The following PGLYRP2 variants were observed in gnomAD, a reference collection of about 807,000 sequenced individuals.
The protein encoded by PGLYRP2 is N-acetylmuramoyl-L-alanine amidase.
In PGLYRP2, 38 loss-of-function variants were observed where a neutral mutation model predicts 46.2. The observed-to-expected ratio is 0.82, with a 90% CI of 0.64 to 1.08. The LOEUF (loss-of-function observed/expected upper bound fraction) is 1.08, where lower values mean the gene tolerates loss of function less well. Ranked by LOEUF, PGLYRP2 falls within the 50% of genes least tolerant of loss-of-function variation. The pLI, the probability that PGLYRP2 is intolerant of heterozygous loss-of-function variation, is 0.00. For missense variants in PGLYRP2, 713 were observed against 755.9 expected (o/e 0.94, Z 0.67); for synonymous variants, 289 against 329.4 (o/e 0.88, Z 1.33).
chr19:15,470,293 C>T (rs112942401), intron 3 of PGLYRP2, among the ~76,000 whole-genome samples: 11,228 of 100,950 alleles, frequency 0.11, 628 homozygotes, highest in African/African-American at 0.13. Context: ...TCCTTCCTTC[C>T]TTCTTTCTTT....
intron 2 of PGLYRP2, among the ~76,000 whole-genome samples, chr19:15,475,149 T>C: frequency 6.6e-6 from 1 of 151,922 alleles, no homozygotes. Context: ...GAAAGATAGA[T>C]AGTGGAGATT....
At position 15,476,062 on chromosome 19, in the gene PGLYRP2, A is replaced by C. The variant is rs1466208469; in HGVS notation, c.608T>G (p.Leu203Trp). Residue 203 changes from leucine (L) to tryptophan (W), a missense_variant, in exon 2 of 5, where the codon TTG becomes TGG. Physicochemically the swap from Leu to Trp is moderately conservative, Grantham distance 61. Transcript: ENST00000340880. ...TGGGGACTTGGCTTTGGCATCTGGC[A>C]AGGAAGCTTGGACATCTGGACAGCC... is the stretch of plus-strand genomic sequence containing the variant. ...TKGCPDVQAS[L>W]PDAKAKSPPT... The C allele has an allele frequency of 1.9e-6, 3 of 1,614,066 alleles. No homozygotes were observed. The South Asian group carries it at 3.3e-5, about 18-fold the overall frequency.
chr19:15,477,392 CAAAA>C (rs34640786), intron 1 of PGLYRP2, among the ~76,000 whole-genome samples: 16,603 of 80,586 alleles, frequency 0.21, 1,187 homozygotes, highest in East Asian at 0.31. Flanking sequence ...GACTTTGTCT[CAAAA>C]AAAAAAAAAA....
chr19:15,474,543 A>T (rs1404359868), intron 2 of PGLYRP2, among the ~76,000 whole-genome samples: 1 of 152,170 alleles, frequency 6.6e-6, no homozygotes, highest in Non-Finnish European at 1.5e-5. Context: ...AGAGAATTGG[A>T]TAAAGAAAAT....
Position 15,469,904 on chromosome 19 carries a change from C to T in PGLYRP2, c.1369G>A (p.Val457Met), listed in dbSNP as rs150385178. 1 of 1,452,170 alleles carries T rather than the reference C, an allele frequency of 6.9e-7. No homozygotes were observed. The highest frequency in any genetic ancestry group is 9.0e-7 in the Non-Finnish European group (1 of 1,108,884). 90.0% of individuals were successfully genotyped at this position (1,452,170 alleles called of 1,614,324 possible). A position where few individuals can be genotyped will look rare whatever the true frequency, so the allele number is the denominator to read the frequency against. Residue 457 changes from valine to methionine, a missense_variant, in exon 4 of 5, where the codon GTG (valine) becomes ATG (methionine). Val to Met is a conservative substitution (Grantham distance 21). Transcript: ENST00000340880. The surrounding 1 kb of genome is among the most constrained non-coding windows in gnomAD (Gnocchi z 4.9). The stretch of plus-strand genomic sequence containing the variant: ...CAGTGCCAGCCGCGTCCCTCGTACA[C>T]GTAGCCGTCCGAGCCCACCACGAAA... ...YSFVVGSDGY[V>M]YEGRGWHWVG...
intron 3 of PGLYRP2, among the ~76,000 whole-genome samples, chr19:15,471,457 G>GA (rs1970748257): frequency 6.7e-6 from 1 of 149,236 alleles, no homozygotes; most frequent in Non-Finnish European, 1.5e-5. Flanking sequence ...GTGTGGGGGG[G>GA]TGTCTTCCTA....
chr19:15,469,643 G>A lies in PGLYRP2; in HGVS notation c.1630C>T (p.His544Tyr), dbSNP rs1205608409. 2.5e-6 allele frequency: 4 copies of A among 1,571,084 alleles called. No homozygotes were observed. The highest frequency in any genetic ancestry group is 3.4e-6 in the Non-Finnish European group (4 of 1,163,308). ...CTGCGAAGACTCACCGCGGTGAAGT[G>A]CGGCCAGGTGCGCAGCAGGTCGAAG... ...ALFDLLRTWP[H>Y]FTATVKPRPA... The change falls in exon 4 of 5, where the codon CAC becomes TAC. Residue 544 changes from histidine (H) to tyrosine (Y), a missense_variant. Transcript: ENST00000340880. This position sits in a 1 kb window ranked among gnomAD's most constrained non-coding sequence, Gnocchi z 4.9.
Position 15,471,892 on chromosome 19 carries a change from G to A in PGLYRP2, c.1341C>T (p.Tyr447=), listed in dbSNP as rs1049645703. 2 of 1,613,242 alleles carry A rather than the reference G, an allele frequency of 1.2e-6. No homozygotes were observed. Among genetic ancestry groups the A allele is most frequent in the African/African-American group, 1.3e-5 (1 of 74,928 alleles). ...CTCCCCGGTCGGGCCCCTCCTACCT[G>A]TAGCCGATGTCTCCCCAGCCTTGCG... The part of the protein sequence containing the change: ...QDTQGWGDIG[Y]SFVVGSDGYV... The change falls in exon 3 of 5, where the codon TAC becomes TAT. Residue 447 remains tyrosine, a splice_region_variant and synonymous_variant. Transcript: ENST00000340880.
rs1970719164 is a variant in PGLYRP2 at position 15,469,144 on chromosome 19, G to A, written c.1642-392C>T. On this transcript the variant is annotated intron_variant, in intron 4 of 4. Coordinates refer to ENST00000340880, the MANE Select transcript of PGLYRP2 (RefSeq NM_052890.4). This position sits in a 1 kb window ranked among gnomAD's most constrained non-coding sequence, Gnocchi z 4.9. ...ACACAGGATTAAGGACTGGACAGAGGTTGTGAAGGCAAAAGGTCACAGCCT... is the reference window on the plus strand; with the variant it reads ...ACACAGGATTAAGGACTGGACAGAGATTGTGAAGGCAAAAGGTCACAGCCT... The A allele has an allele frequency of 7.1e-6, 4 of 566,950 alleles. No individual in the cohort carries two copies. Among genetic ancestry groups the A allele is most frequent in the Admixed American group, 3.3e-5 (1 of 30,528 alleles). The allele number at this position is 566,950 out of a possible 1,614,324, so 35.1% of individuals were successfully genotyped here.
chr19:15,478,112 C>T (rs569715653), intron 1 of PGLYRP2, among the ~76,000 whole-genome samples: 51 of 152,124 alleles, frequency 3.4e-4, no homozygotes, highest in African/African-American at 8.4e-4. Flanking sequence ...TTTGGGAGGC[C>T]GAGGCAGGCG....
chr19:15,469,396 TG>T lies in PGLYRP2; in HGVS notation c.1641+235del, dbSNP rs1271448381. ...GGAGCTGGGGAAAGGACAGGCTGGC[TG>T]GGTCTGGGGCTGAGCTGAGGCTGCA... On this transcript the variant is annotated intron_variant, in intron 4 of 4. Transcript: ENST00000340880. The surrounding 1 kb of genome is among the most constrained non-coding windows in gnomAD (Gnocchi z 4.9). The T allele has an allele frequency of 7.0e-6, 5 of 719,008 alleles. No individual in the cohort carries two copies. The highest frequency in any genetic ancestry group is 1.3e-5 in the Non-Finnish European group (5 of 399,738). 44.5% of individuals were successfully genotyped at this position (719,008 alleles called of 1,614,324 possible).
intron 4 of PGLYRP2, 93 bp from the exon 5 acceptor site, chr19:15,468,845 G>A (rs1970717403): frequency 2.1e-6 from 2 of 958,700 alleles, no homozygotes; most frequent in Non-Finnish European, 3.2e-6. Flanking sequence ...ATCAGGGAGG[G>A]GACAGTGGCC....
At chr19:15,477,580 C>T (rs1380939410) in intron 1 of PGLYRP2, among the ~76,000 whole-genome samples, 2 of 151,212 alleles carry the variant, frequency 1.3e-5, no homozygotes, top group African/African-American at 4.9e-5. Context: ...CACCTGTAAC[C>T]CCAGCTACTC....
In PGLYRP2 at chr19:15,479,345, T is replaced by C. The variant is rs1970825193; in HGVS notation, c.27A>G (p.Leu9=). 1.2e-6 allele frequency: 2 copies of C among 1,613,808 alleles called. No individual in the cohort carries two copies. Among genetic ancestry groups the C allele is most frequent in the East Asian group, 2.2e-5 (1 of 44,876 alleles). MAQGVLWI[L]LGLLLWSDPG... is the part of the protein sequence containing the mutation. ...GGTCTGACCACAGTAGCAATCCGAGTAGGATCCAGAGGACACCCTGGGCCA... is the reference window on the plus strand; with the variant it reads ...GGTCTGACCACAGTAGCAATCCGAGCAGGATCCAGAGGACACCCTGGGCCA... The change falls in exon 1 of 5, where the codon CTA becomes CTG. Residue 9 remains leucine, a synonymous_variant. Transcript: ENST00000340880.
chr19:15,474,337 AAAAAC>A (rs575386144), intron 2 of PGLYRP2, among the ~76,000 whole-genome samples: 23 of 152,240 alleles, frequency 1.5e-4, no homozygotes, highest in Middle Eastern at 3.4e-3. Context: ...AACTCTGTCT[AAAAAC>A]AAAACAAAAC....
In PGLYRP2 at chr19:15,475,685, C is replaced by A; in HGVS notation, c.985G>T (p.Ala329Ser). Residue 329 changes from alanine (A) to serine (S), a missense_variant, in exon 2 of 5, where the codon GCC becomes TCC. Physicochemically the swap from Ala to Ser is moderately conservative, Grantham distance 99 (BLOSUM62 1). Transcript: ENST00000340880. ...RRQNGAALTS[A>S]SILAQQVWGT... ...CACACCTGCTGGGCCAGGATGGAGG[C>A]TGAAGTCAGAGCAGCACCGTTCTGC... 1 of 1,614,158 alleles carries A rather than the reference C, an allele frequency of 6.2e-7. No homozygotes were observed. Among genetic ancestry groups the A allele is most frequent in the South Asian group, 1.1e-5 (1 of 91,088 alleles).
Position 15,469,911 on chromosome 19 carries a change from G to A in PGLYRP2, c.1362C>T (p.Asp454=), listed in dbSNP as rs757370633. 19 of 1,439,858 alleles carry A rather than the reference G, an allele frequency of 1.3e-5. No individual in the cohort carries two copies. Among genetic ancestry groups the A allele is most frequent in the Non-Finnish European group, 1.4e-5 (15 of 1,102,126 alleles). The allele number at this position is 1,439,858 out of a possible 1,614,324, so 89.2% of individuals were successfully genotyped here. ...DIGYSFVVGS[D]GYVYEGRGWH... ...AGCCGCGTCCCTCGTACACGTAGCC[G>A]TCCGAGCCCACCACGAAACTGCAGA... Residue 454 remains aspartate, a synonymous_variant, in exon 4 of 5, where the codon GAC becomes GAT. Coordinates refer to ENST00000340880, the MANE Select transcript of PGLYRP2 (RefSeq NM_052890.4). This position sits in a 1 kb window ranked among gnomAD's most constrained non-coding sequence, Gnocchi z 4.9.
chr19:15,469,354 G>T lies in PGLYRP2; in HGVS notation c.1641+278C>A. On this transcript the variant is annotated intron_variant, in intron 4 of 4. Coordinates refer to ENST00000340880, the MANE Select transcript of PGLYRP2 (RefSeq NM_052890.4). The surrounding 1 kb of genome is among the most constrained non-coding windows in gnomAD (Gnocchi z 4.9). The stretch of plus-strand genomic sequence containing the variant: ...GGTGTCAGGGTCCATGCCTTGGCTG[G>T]AAAGGTAGAGGTATTAGGAGCTGGG... The T allele has an allele frequency of 1.5e-6, 1 of 672,582 alleles. No individual in the cohort carries two copies. Among genetic ancestry groups the T allele is most frequent in the Non-Finnish European group, 2.7e-6 (1 of 367,644 alleles). The allele number at this position is 672,582 out of a possible 1,614,324, so 41.7% of individuals were successfully genotyped here.
intron 3 of PGLYRP2, among the ~76,000 whole-genome samples, chr19:15,470,370 C>G (rs1970736920): frequency 1.3e-5 from 2 of 151,204 alleles, no homozygotes; most frequent in Non-Finnish European, 2.9e-5. Context: ...GATCTCGGCT[C>G]ACTGCCACCT....
Sources: allele counts gnomAD v4.1 joint callset (sites outside exome capture counted in the v4.1 genomes callset), GRCh38; gene constraint gnomAD v4.1.1; non-coding constraint Gnocchi (gnomAD v3.1); transcripts MANE v1.5; gene names NCBI Gene and HGNC (gene_info 2026-07-23, HGNC 2026-07-21).